NEB: variants seen among roughly 807,000 people sequenced by gnomAD.
The protein encoded by NEB is nemaline myopathy type 2.
Under a neutral mutation model 952.2 loss-of-function variants are expected in NEB, and 512 were observed. The observed-to-expected ratio is 0.54, with a 90% CI of 0.50 to 0.58. The LOEUF is 0.58. Ranked by LOEUF, NEB falls within the 20% of genes least tolerant of loss-of-function variation. The pLI is 0.00. For missense variants in NEB, 8,428 were observed against 9,231.1 expected, an observed-to-expected ratio of 0.91 and a Z score of 3.56; for synonymous variants, 2,900 against 3,149.8, an observed-to-expected ratio of 0.92 and a Z score of 2.66.
chr2:151,523,489 A>G (rs2083383125), intron 153 of NEB, among the ~76,000 whole-genome samples: 1 of 152,256 alleles, frequency 6.6e-6, no homozygotes, highest in Non-Finnish European at 1.5e-5. Flanking sequence ...GGACAAGGAA[A>G]AAGAAGGTAG....
chr2:151,490,636 T>G, intron 179 of NEB, 118 bp from the exon 180 acceptor site: 2 of 1,235,826 alleles, frequency 1.6e-6, no homozygotes, highest in Non-Finnish European at 2.3e-6. Flanking sequence ...TTAAGTACTT[T>G]CCCATGGGTC....
At chr2:151,609,689 A>C in intron 81 of NEB, 120 bp downstream of exon 81, 1 of 856,054 alleles carries the variant, frequency 1.2e-6, no homozygotes, top group Non-Finnish European at 1.7e-6. Context: ...TGGTACCCCC[A>C]GCCCCACCCC....
Position 151,650,788 on chromosome 2 carries a change from G to T in NEB, c.7013C>A (p.Ala2338Asp). Residue 2338 changes from alanine to aspartate, a missense_variant, in exon 53 of 182, where the codon GCC becomes GAC. Transcript: ENST00000397345. ...DPKLVLSMNVAKMQSEREYKK... is the reference protein window; with the variant it reads ...DPKLVLSMNVDKMQSEREYKK... ...GTATTCTCTTTCACTCTGCATTTTG[G>T]CTACATTCATGGACAACACAAGTTT... 1 of 1,613,764 alleles carries T rather than the reference G, an allele frequency of 6.2e-7. No homozygotes were observed. Among genetic ancestry groups the T allele is most frequent in the Non-Finnish European group, 8.5e-7 (1 of 1,179,808 alleles).
rs1228534505 is a variant in NEB at position 151,688,384 on chromosome 2, C to T, written c.2323G>A (p.Ala775Thr). The change falls in exon 25 of 182, where the codon GCA becomes ACA. Residue 775 changes from alanine (A) to threonine (T), a missense_variant. Transcript: ENST00000397345. The part of the protein sequence containing the change: ...TKQLSDLNYK[A>T]KHEGEKFKCH... ...TTGAACTTCTCACCTTCATGTTTTG[C>T]TTTGTAATTCAGCTGAAAAACAAAG... 1 of 1,613,362 alleles carries T rather than the reference C, an allele frequency of 6.2e-7. No homozygotes were observed.
rs770466680 is a variant in NEB, at chr2:151,563,709, T to C, written c.18590A>G (p.Lys6197Arg). The C allele has an allele frequency of 7.4e-6, 12 of 1,613,480 alleles. No homozygotes were observed. Among genetic ancestry groups the C allele is most frequent in the African/African-American group, 2.7e-5 (2 of 74,894 alleles). ...ACCTTTCTGCTTCTCATATGTCTCTTTGTATTTAAGCTGTAAAGTGGGTTA... is the reference window on the plus strand; with the variant it reads ...ACCTTTCTGCTTCTCATATGTCTCTCTGTATTTAAGCTGTAAAGTGGGTTA... Reference protein sequence around the residue: ...ADLVNSELKYKETYEKQKGHY... With the variant: ...ADLVNSELKYRETYEKQKGHY... Residue 6197 changes from lysine to arginine, a missense_variant, in exon 119 of 182, where the codon AAA (lysine) becomes AGA (arginine). Coordinates refer to ENST00000397345, the MANE Select transcript of NEB (RefSeq NM_001164508.2).
chr2:151,665,046 G>A lies in NEB; in HGVS notation c.5239-183C>T, dbSNP rs557622391. ...CAATAAGAAAAAAATTGTTGAATAC[G>A]GCAACCCTCTACCACCAAAGCACCA... On this transcript the variant is annotated intron_variant, in intron 42 of 181. Coordinates refer to ENST00000397345, the MANE Select transcript of NEB (RefSeq NM_001164508.2). 8.5e-5 allele frequency among the ~76,000 whole-genome samples: 13 copies of A among 152,180 alleles called. No homozygotes were observed. In the East Asian group the frequency reaches 1.5e-3, roughly 18 times the overall value.
intron 156 of NEB, 48 bp from the exon 157 acceptor site, chr2:151,516,611 A>G (rs1252606904): frequency 8.1e-7 from 1 of 1,231,394 alleles, no homozygotes; most frequent in South Asian, 1.3e-5. Context: ...GTCAATTCCT[A>G]GACAGCAGTT....
intron 5 of NEB, 133 bp from the exon 6 acceptor site, chr2:151,725,693 CT>C: frequency 1.5e-6 from 1 of 655,408 alleles, no homozygotes; most frequent in Non-Finnish European, 2.6e-6. Flanking sequence ...TTTTTGTCCC[CT>C]ACCCCAACTC....
rs1466641302 is a variant in NEB at position 151,642,843 on chromosome 2, T to C, written c.8187A>G (p.Lys2729=). Residue 2729 remains lysine (K), a synonymous_variant, in exon 59 of 182, where the codon AAA becomes AAG. Coordinates refer to ENST00000397345, the MANE Select transcript of NEB (RefSeq NM_001164508.2). ...NHRLYTEAWD[K]DKTTVHIMPD... is the part of the protein sequence containing the mutation. Reference sequence around the variant, plus strand: ...GCATAATGTGGACAGTGGTTTTATCTTTATCCCAAGCTTCTGTATAGAGGC... The same window carrying C: ...GCATAATGTGGACAGTGGTTTTATCCTTATCCCAAGCTTCTGTATAGAGGC... 6.2e-7 allele frequency: 1 copy of C among 1,612,104 alleles called. No homozygotes were observed. Among genetic ancestry groups the C allele is most frequent in the Admixed American group, 1.7e-5 (1 of 59,848 alleles).
intron 124 of NEB, among the ~76,000 whole-genome samples, chr2:151,560,254 T>A (rs2095945586): frequency 6.6e-6 from 1 of 152,328 alleles, no homozygotes; most frequent in Middle Eastern, 3.4e-3. Flanking sequence ...ATCCATGTAA[T>A]TCTATTGAAA....
intron 128 of NEB, among the ~76,000 whole-genome samples, chr2:151,552,429 G>C (rs1204206887): frequency 2.6e-5 from 4 of 152,164 alleles, no homozygotes; most frequent in Non-Finnish European, 5.9e-5. Context: ...CGTTGGAAGT[G>C]CTAAGGCACA....
chr2:151,636,094 G>A (rs1168231733), intron 64 of NEB, 133 bp downstream of exon 64: 1 of 788,814 alleles, frequency 1.3e-6, no homozygotes, highest in Non-Finnish European at 2.0e-6. Flanking sequence ...TAAAACTGAG[G>A]TTTTGAAAAA....
chr2:151,612,037 G>C lies in NEB; in HGVS notation c.11805+149C>G, dbSNP rs115829760. The C allele has an allele frequency of 7.7e-6, 6 of 783,566 alleles. No homozygotes were observed. The African/African-American group carries it at 8.7e-5, about 11-fold the overall frequency. The allele number at this position is 783,566 out of a possible 1,614,324, so 48.5% of individuals were successfully genotyped here. A position where few individuals can be genotyped will look rare whatever the true frequency, so the allele number is the denominator to read the frequency against. The stretch of plus-strand genomic sequence containing the variant: ...CAGGGTGTTGAGAAGAGCACACCTT[G>C]AATTCAAGCAGATGCTCTGTTAAAG... On this transcript the variant is annotated intron_variant, in intron 78 of 181. Transcript: ENST00000397345.
At chr2:151,546,560 T>C in intron 133 of NEB, 117 bp from the exon 134 acceptor site, 2 of 470,036 alleles carry the variant, frequency 4.3e-6, no homozygotes, top group Non-Finnish European at 7.4e-6. Context: ...TCATCTACTT[T>C]TTTTTTTTTT....
chr2:151,601,483 A>G (rs1560295091), intron 88 of NEB, among the ~76,000 whole-genome samples: 5 of 116,688 alleles, frequency 4.3e-5, no homozygotes, highest in Admixed American at 3.6e-4. Context: ...CGTGGAAAAA[A>G]ACAGTATATT....
Position 151,636,331 on chromosome 2 carries a change from G to A in NEB, c.8998C>T (p.Leu3000=). The change falls in exon 64 of 182, where the codon CTG becomes TTG. Residue 3000 remains leucine (L), a synonymous_variant. Coordinates refer to ENST00000397345, the MANE Select transcript of NEB (RefSeq NM_001164508.2). ...RMNKINYSES[L]YKLANEEAKK... ...GCTTCTTCATTAGCAAGTTTGTACA[G>A]ACTCTAAATTTGGGGGAAAAAAAAT... 2 of 1,603,058 alleles carry A rather than the reference G, an allele frequency of 1.2e-6. No individual in the cohort carries two copies. The highest frequency in any genetic ancestry group is 1.7e-6 in the Non-Finnish European group (2 of 1,178,476).
intron 48 of NEB, among the ~76,000 whole-genome samples, chr2:151,656,747 T>TAG (rs996561325): frequency 1.3e-5 from 2 of 151,902 alleles, no homozygotes; most frequent in Non-Finnish European, 2.9e-5. Flanking sequence ...CACTGAGGAT[T>TAG]AGAACCCAGA....
At chr2:151,565,366 C>A in intron 116 of NEB, 135 bp downstream of exon 116, 1 of 719,328 alleles carries the variant, frequency 1.4e-6, no homozygotes. Flanking sequence ...TAAGACATAC[C>A]CCCCAAAGAT....
At chr2:151,655,688 G>A (rs2099080124) in intron 50 of NEB, 129 bp downstream of exon 50, 1 of 904,896 alleles carries the variant, frequency 1.1e-6, no homozygotes, top group Non-Finnish European at 1.7e-6. Context: ...ATGGTGTAGG[G>A]GAATGATCTG....
Sources: gnomAD v4.1 joint callset for allele counts (sites outside exome capture counted in the v4.1 genomes callset) on GRCh38, gnomAD v4.1.1 for gene constraint, MANE v1.5 for transcripts, NCBI Gene and HGNC (gene_info 2026-07-23, HGNC 2026-07-21) for gene names.